Variants in AK5 observed in about 807,000 individuals in gnomAD.
AK5 encodes the protein adenylate kinase 5, also known as adenylate kinase isoenzyme 5.
Under a neutral mutation model 69.5 loss-of-function variants are expected in AK5, and 27 were observed. The ratio of observed to expected loss-of-function variants is 0.39; its 90% CI spans 0.29 to 0.54. AK5 has a LOEUF of 0.54. AK5 is among the 20% of genes least tolerant of loss of function. The pLI, the probability that AK5 is intolerant of heterozygous loss-of-function variation, is 0.71. For synonymous variants in AK5, 260 were observed against 244.4 expected (o/e 1.06, Z -0.60); for missense variants, 531 against 700.4 (o/e 0.76, Z 2.73).
intron 10 of AK5, among the ~76,000 whole-genome samples, chr1:77,507,650 A>C (rs1657102040): frequency 6.6e-6 from 1 of 152,212 alleles, no homozygotes; most frequent in South Asian, 2.1e-4. Context: ...TTGATAAGGC[A>C]ATAAGGATTT....
chr1:77,453,707 A>C (rs573281596), intron 8 of AK5, among the ~76,000 whole-genome samples: 3 of 152,346 alleles, frequency 2.0e-5, no homozygotes, highest in African/African-American at 7.2e-5. Context: ...GTGAATGGGA[A>C]GTTGGGAAAT....
rs545359624 is a variant in AK5 at position 77,418,940 on chromosome 1, A to G, written c.1059+1225A>G. The stretch of plus-strand genomic sequence containing the variant: ...ACACATGTTTATAGTAATTTTTAAC[A>G]TCTATTAAGCACTTATTACATGCAA... On this transcript the variant is annotated intron_variant, in intron 8 of 13. Transcript: ENST00000354567. Among the ~76,000 whole-genome samples the G allele has an allele frequency of 3.9e-5, 6 of 152,326 alleles. No individual in the cohort carries two copies. The South Asian group carries it at 1.2e-3, about 32-fold the overall frequency.
At chr1:77,314,092 T>C in intron 5 of AK5, 1 of 341,654 alleles carries the variant, frequency 2.9e-6, no homozygotes, top group Non-Finnish European at 5.8e-6. Context: ...TCTGAACCCA[T>C]ATATGTTAAT....
chr1:77,470,972 C>T (rs1460013114), intron 8 of AK5, among the ~76,000 whole-genome samples: 2 of 147,010 alleles, frequency 1.4e-5, no homozygotes, highest in African/African-American at 5.0e-5. Flanking sequence ...CCTCTGCCTC[C>T]TGGGTTCAAG....
intron 8 of AK5, among the ~76,000 whole-genome samples, chr1:77,451,625 T>C (rs1179606799): frequency 6.6e-6 from 1 of 152,246 alleles, no homozygotes; most frequent in Non-Finnish European, 1.5e-5. Flanking sequence ...ATGTAAGTAC[T>C]TGGGTACATA....
intron 5 of AK5, among the ~76,000 whole-genome samples, chr1:77,317,688 T>C (rs893674603): frequency 2.6e-5 from 4 of 152,204 alleles, no homozygotes; most frequent in African/African-American, 9.6e-5. Context: ...GCCAGACTAA[T>C]CTTTCTGAAA....
chr1:77,497,401 T>C (rs1230097554), intron 10 of AK5, among the ~76,000 whole-genome samples: 1 of 151,966 alleles, frequency 6.6e-6, no homozygotes, highest in Non-Finnish European at 1.5e-5. Context: ...CATCCGAACA[T>C]GTGAAGGAAC....
chr1:77,470,852 TATATATATATATATA>T (rs1158990666), intron 8 of AK5, among the ~76,000 whole-genome samples: 3,309 of 32,416 alleles, frequency 0.1, 677 homozygotes, highest in South Asian at 0.14. Context: ...TATATATATA[TATATATATATATATA>T]TATATATATT....
chr1:77,500,750 C>T (rs533935496), intron 10 of AK5, among the ~76,000 whole-genome samples: 10 of 152,248 alleles, frequency 6.6e-5, no homozygotes, highest in Admixed American at 1.3e-4. Context: ...CCACTGCACT[C>T]CAGCCTGGGC....
intron 1 of AK5, among the ~76,000 whole-genome samples, chr1:77,284,370 T>C (rs899455829): frequency 3.9e-5 from 6 of 152,262 alleles, no homozygotes; most frequent in African/African-American, 1.4e-4. Flanking sequence ...AGCTGTCTAC[T>C]AAACACCAAG....
rs368060984 is a variant in AK5 at position 77,415,952 on chromosome 1, C to T, written c.983-1687C>T. 9.9e-5 allele frequency among the ~76,000 whole-genome samples: 15 copies of T among 152,202 alleles called. No homozygotes were observed. In the East Asian group the frequency reaches 1.7e-3, roughly 18 times the overall value. Reference sequence around the variant, plus strand: ...GAGAAGTGGGATTCTGTGAAACAGACGTTGAAAGTAGTGGCAAAAACCACA... The same window carrying T: ...GAGAAGTGGGATTCTGTGAAACAGATGTTGAAAGTAGTGGCAAAAACCACA... On this transcript the variant is annotated intron_variant, in intron 7 of 13. Transcript: ENST00000354567.
At chr1:77,389,866 G>A (rs1367996989) in intron 6 of AK5, among the ~76,000 whole-genome samples, 1 of 152,074 alleles carries the variant, frequency 6.6e-6, no homozygotes, top group Non-Finnish European at 1.5e-5. Flanking sequence ...GGAGGCTAAG[G>A]TGGGAGGTTC....
chr1:77,356,512 G>T lies in AK5; in HGVS notation c.891+15944G>T, dbSNP rs148417977. ...CAGATCACAGTTCTAGGCCATTCAC[G>T]AGTTCTTGACCTTTTGCACAAGTTT... On this transcript the variant is annotated intron_variant, in intron 6 of 13. Coordinates refer to ENST00000354567, the MANE Select transcript of AK5 (RefSeq NM_174858.3). Among the ~76,000 whole-genome samples, 4 of 152,282 alleles carry T rather than the reference G, an allele frequency of 2.6e-5. No homozygotes were observed. In the East Asian group the frequency reaches 7.7e-4, roughly 29 times the overall value.
chr1:77,509,054 C>A (rs1657182518), intron 10 of AK5, among the ~76,000 whole-genome samples: 1 of 152,190 alleles, frequency 6.6e-6, no homozygotes, highest in African/African-American at 2.4e-5. Context: ...GTGACTCTCC[C>A]AGAATCACTC....
intron 3 of AK5, among the ~76,000 whole-genome samples, chr1:77,296,256 C>T (rs537394868): frequency 2.0e-5 from 3 of 152,164 alleles, no homozygotes; most frequent in Admixed American, 6.5e-5. Flanking sequence ...GGAACAGATA[C>T]GAATCTCTCT....
intron 13 of AK5, among the ~76,000 whole-genome samples, chr1:77,538,989 G>A (rs992721704): frequency 1.3e-5 from 2 of 152,218 alleles, no homozygotes; most frequent in African/African-American, 2.4e-5. Context: ...CCAGAAAAAT[G>A]TTTGAAGAAT....
chr1:77,449,720 G>T (rs1229205263), intron 8 of AK5, among the ~76,000 whole-genome samples: 4 of 152,116 alleles, frequency 2.6e-5, no homozygotes, highest in Non-Finnish European at 5.9e-5. Flanking sequence ...CACAATTCCT[G>T]CCTTTTATGG....
At position 77,297,512 on chromosome 1, in the gene AK5, T is replaced by C. The variant is rs1380164800; in HGVS notation, c.416-47T>C. ...AAGTAGTAGTTGTATAAAAGGGAGG[T>C]CCTTATTGTATCAGAAGATCACAGT... On this transcript the variant is annotated intron_variant, in intron 3 of 13. Transcript: ENST00000354567. The C allele has an allele frequency of 2.0e-6, 3 of 1,515,476 alleles. No homozygotes were observed. The African/African-American group carries it at 4.2e-5, about 21-fold the overall frequency. The allele number at this position is 1,515,476 out of a possible 1,614,324, so 93.9% of individuals were successfully genotyped here. A position where few individuals can be genotyped will look rare whatever the true frequency, so the allele number is the denominator to read the frequency against.
intron 5 of AK5, among the ~76,000 whole-genome samples, chr1:77,306,633 TTCC>T (rs1557481475): frequency 6.6e-6 from 1 of 152,102 alleles, no homozygotes; most frequent in Non-Finnish European, 1.5e-5. Context: ...TTGGAATTAT[TTCC>T]TCCTCCTCTA....
Sources: gnomAD v4.1 joint callset for allele counts (sites outside exome capture counted in the v4.1 genomes callset) on GRCh38, gnomAD v4.1.1 for gene constraint, MANE v1.5 for transcripts, NCBI Gene and HGNC (gene_info 2026-07-23, HGNC 2026-07-21) for gene names.